DCAF6: variants seen among roughly 807,000 people sequenced by gnomAD.
DCAF6 encodes DDB1 and CUL4 associated factor 6.
A neutral mutation model predicts 125.1 loss-of-function variants in DCAF6; 54 were observed. The ratio of observed to expected loss-of-function variants is 0.43; its 90% CI spans 0.35 to 0.54. The LOEUF (loss-of-function observed/expected upper bound fraction) is 0.54, where lower values mean the gene tolerates loss of function less well. DCAF6 is among the 20% of genes least tolerant of loss of function. The pLI, the probability that DCAF6 is intolerant of heterozygous loss-of-function variation, is 0.01. For missense variants in DCAF6, 934 were observed against 1,161.7 expected, an observed-to-expected ratio of 0.80 and a Z score of 2.85; for synonymous variants, 371 against 390.4, an observed-to-expected ratio of 0.95 and a Z score of 0.58.
At chr1:167,970,531 C>T (rs987752528) in intron 3 of DCAF6, among the ~76,000 whole-genome samples, 1 of 152,008 alleles carries the variant, frequency 6.6e-6, no homozygotes, top group Non-Finnish European at 1.5e-5. Context: ...GCCTGTAGTC[C>T]CAGTTACTCG....
At chr1:167,885,337 T>C in the DCAF6 span, among the ~76,000 whole-genome samples, 1 of 152,230 alleles carries the variant, frequency 6.6e-6, no homozygotes, top group South Asian at 2.1e-4. Context: ...ATGGTAGCTC[T>C]ATTTTTAGCT....
chr1:167,935,941 C>T, upstream of DCAF6: 1 of 895,456 alleles, frequency 1.1e-6, no homozygotes, highest in East Asian at 2.7e-5. Flanking sequence ...GCCACGACGA[C>T]TCGCGTCCGC....
At chr1:167,926,613 G>C in the DCAF6 span, among the ~76,000 whole-genome samples, 11 of 152,180 alleles carry the variant, frequency 7.2e-5, no homozygotes, top group African/African-American at 2.7e-4. Context: ...TGCCCCAACT[G>C]CTGCAGATGC....
intron 1 of DCAF6, among the ~76,000 whole-genome samples, chr1:167,944,621 T>C (rs1672777480): frequency 1.3e-5 from 2 of 152,226 alleles, no homozygotes; most frequent in South Asian, 4.1e-4. Flanking sequence ...TGTCTATTCA[T>C]GTGTTTTGCC....
chr1:168,054,283 C>T (rs944008800), intron 17 of DCAF6, among the ~76,000 whole-genome samples: 6 of 152,170 alleles, frequency 3.9e-5, no homozygotes, highest in Non-Finnish European at 8.8e-5. Context: ...AGCCTTCTTG[C>T]TGGCAAGGAC....
intron 10 of DCAF6, among the ~76,000 whole-genome samples, chr1:168,009,378 CCTTCCTTCCTTT>C (rs1485348682): frequency 2.4e-3 from 286 of 119,212 alleles, no homozygotes; most frequent in African/African-American, 8.9e-3. Flanking sequence ...TTCCTTCCTT[CCTTCCTTCCTTT>C]CTTTCTTTCT....
chr1:167,943,803 C>T (rs181908576), intron 1 of DCAF6, among the ~76,000 whole-genome samples: 35 of 152,230 alleles, frequency 2.3e-4, no homozygotes, highest in Admixed American at 8.5e-4. Flanking sequence ...AGATAATGAC[C>T]TCTAGTTCCA....
chr1:167,986,661 A>G (rs765074199), intron 4 of DCAF6, among the ~76,000 whole-genome samples: 7 of 152,196 alleles, frequency 4.6e-5, no homozygotes, highest in Non-Finnish European at 7.3e-5. Context: ...CATAGTGTCT[A>G]TGCTCCTGTG....
the DCAF6 span, among the ~76,000 whole-genome samples, chr1:167,888,460 T>A: frequency 6.6e-6 from 1 of 152,202 alleles, no homozygotes; most frequent in African/African-American, 2.4e-5. Context: ...TTTATAGTTT[T>A]CACGGTAGAG....
At chr1:168,019,693 G>A in intron 11 of DCAF6, 1 of 202,218 alleles carries the variant, frequency 4.9e-6, no homozygotes, top group African/African-American at 2.3e-5. Context: ...TCACTTTATG[G>A]CACGGTTTTA....
chr1:168,073,718 G>A (rs899291001), intron 21 of DCAF6, among the ~76,000 whole-genome samples: 1 of 152,040 alleles, frequency 6.6e-6, no homozygotes, highest in East Asian at 1.9e-4. Context: ...GACAGGATAG[G>A]TTTCTTGAAT....
chr1:167,937,348 C>G (rs945596409), intron 1 of DCAF6: 1 of 276,754 alleles, frequency 3.6e-6, no homozygotes, highest in Non-Finnish European at 7.3e-6. Context: ...CAAAAGTTAG[C>G]TCTTTTGCTC....
chr1:168,033,975 C>A (rs1343904048), intron 12 of DCAF6, among the ~76,000 whole-genome samples: 1 of 152,200 alleles, frequency 6.6e-6, no homozygotes, highest in East Asian at 1.9e-4. Context: ...ATAGTTCAGT[C>A]TCTTAAGTGC....
intron 16 of DCAF6, among the ~76,000 whole-genome samples, chr1:168,046,658 A>C (rs1689186119): frequency 1.3e-5 from 2 of 152,118 alleles, no homozygotes; most frequent in African/African-American, 4.8e-5. Flanking sequence ...ATTTCTTTCC[A>C]TACCCAGAGG....
intron 18 of DCAF6, 153 bp downstream of exon 18, chr1:168,063,912 C>T: frequency 1.4e-6 from 1 of 691,266 alleles, no homozygotes; most frequent in Non-Finnish European, 2.3e-6. Flanking sequence ...GTTCTTTTAG[C>T]CCTATAATAT....
rs397981860 is a variant in DCAF6 at position 167,976,886 on chromosome 1, G to GTTTTTTTTTT, written c.438+1896_438+1905dup. ...TGTACTGAAGGTACATCCTTTAGCA[G>GTTTTTTTTTT]TTTTTTTTTTTTTTTTTTTTTTTTT... On this transcript the variant is annotated intron_variant, in intron 4 of 21. Coordinates refer to ENST00000367840, the MANE Select transcript of DCAF6 (RefSeq NM_001198956.2). 2.6e-4 allele frequency among the ~76,000 whole-genome samples: 10 copies of GTTTTTTTTTT among 38,062 alleles called. 1 individual carries two copies. Among genetic ancestry groups the GTTTTTTTTTT allele is most frequent in the South Asian group, 2.8e-3 (2 of 712 alleles). 25.0% of individuals were successfully genotyped at this position (38,062 alleles called of 152,430 possible).
intron 1 of DCAF6, 107 bp from the exon 2 acceptor site, chr1:167,951,693 A>T: frequency 1.4e-6 from 1 of 694,904 alleles, no homozygotes; most frequent in Non-Finnish European, 2.5e-6. Flanking sequence ...AGCTGAAATT[A>T]GAGCATGAAT....
chr1:167,925,442 CATATATATAT>C, the DCAF6 span, among the ~76,000 whole-genome samples: 1,464 of 82,494 alleles, frequency 0.018, 37 homozygotes, highest in Non-Finnish European at 0.021. Context: ...TACATATACA[CATATATATAT>C]ATATATATAT....
the DCAF6 span, among the ~76,000 whole-genome samples, chr1:167,872,115 G>T: frequency 2.6e-5 from 4 of 152,180 alleles, no homozygotes; most frequent in Non-Finnish European, 5.9e-5. Flanking sequence ...GCCGAGGCGG[G>T]TGGATCCCCT....
Sources: allele counts gnomAD v4.1 joint callset (sites outside exome capture counted in the v4.1 genomes callset), GRCh38; gene constraint gnomAD v4.1.1; transcripts MANE v1.5; gene names NCBI Gene and HGNC (gene_info 2026-07-23, HGNC 2026-07-21).